Variants in ROBO1 observed in about 807,000 individuals in gnomAD.
ROBO1 encodes the protein roundabout guidance receptor 1, also known as roundabout homolog 1.
A neutral mutation model predicts 195.9 loss-of-function variants in ROBO1; 149 were observed. The observed-to-expected ratio is 0.76, with a 90% CI of 0.67 to 0.87. The LOEUF is 0.87. ROBO1 is among the 40% of genes least tolerant of loss of function. The probability of loss-of-function intolerance (pLI) is 0.00; values close to 1 mark genes in which losing one functional copy is unlikely to be tolerated. For missense variants in ROBO1, 1,933 were observed against 2,068.3 expected (o/e 0.93, Z 1.27); for synonymous variants, 816 against 733.2 (o/e 1.11, Z -1.82).
intron 2 of ROBO1, among the ~76,000 whole-genome samples, chr3:79,204,919 G>A (rs181086362): frequency 2.0e-5 from 3 of 150,042 alleles, no homozygotes; most frequent in Admixed American, 2.0e-4. Context: ...TTTTTGTTTT[G>A]TTTGTTTGTT....
intron 29 of ROBO1, among the ~76,000 whole-genome samples, chr3:78,603,568 T>G (rs1703298599): frequency 6.6e-6 from 1 of 152,104 alleles, no homozygotes; most frequent in South Asian, 2.1e-4. Context: ...TATGTAGAAA[T>G]AAATTGAACT....
Position 78,639,631 on chromosome 3 carries a change from G to C in ROBO1, c.3037+113C>G, listed in dbSNP as rs1366466456. ...TTTTGCTAAACAATAGTCAGCATTG[G>C]ATAAAATACGGGTCAAATTTTATCT... On this transcript the variant is annotated intron_variant, in intron 22 of 30. Coordinates refer to ENST00000464233, the MANE Select transcript of ROBO1 (RefSeq NM_002941.4). 2.8e-6 allele frequency: 3 copies of C among 1,065,482 alleles called. No individual in the cohort carries two copies. The East Asian group carries it at 7.6e-5, about 27-fold the overall frequency. The allele number at this position is 1,065,482 out of a possible 1,614,324, so 66.0% of individuals were successfully genotyped here.
chr3:79,600,353 G>T (rs994263871), intron 1 of ROBO1, among the ~76,000 whole-genome samples: 1 of 151,956 alleles, frequency 6.6e-6, no homozygotes, highest in African/African-American at 2.4e-5. Flanking sequence ...CATTGGTTTG[G>T]TCGAAGAGAA....
chr3:79,003,219 T>C (rs1164049112), intron 3 of ROBO1, among the ~76,000 whole-genome samples: 1 of 152,122 alleles, frequency 6.6e-6, no homozygotes, highest in Non-Finnish European at 1.5e-5. Context: ...GAAATCTGTC[T>C]CCAAACTGTC....
intron 2 of ROBO1, among the ~76,000 whole-genome samples, chr3:79,453,634 T>G (rs1216609974): frequency 1.3e-5 from 2 of 152,142 alleles, no homozygotes; most frequent in South Asian, 2.1e-4. Flanking sequence ...TAATTCTAAC[T>G]GAATGTAGGT....
intron 3 of ROBO1, among the ~76,000 whole-genome samples, chr3:78,956,586 C>T (rs1278995895): frequency 6.6e-6 from 1 of 152,114 alleles, no homozygotes; most frequent in East Asian, 1.9e-4. Context: ...ACTCAATAAA[C>T]ATTTGTTGAA....
At chr3:79,575,233 TATAA>T (rs1457263921) in intron 2 of ROBO1, among the ~76,000 whole-genome samples, 31 of 80,426 alleles carry the variant, frequency 3.9e-4, no homozygotes, top group African/African-American at 1.7e-3. Context: ...AACAAATATA[TATAA>T]ATATATATAA....
At chr3:78,699,395 CAAAA>C (rs60574193) in intron 8 of ROBO1, among the ~76,000 whole-genome samples, 1,392 of 83,052 alleles carry the variant, frequency 0.017, 27 homozygotes, top group African/African-American at 0.062. Flanking sequence ...ACTAAAAATA[CAAAA>C]AAAAAAAAAA....
chr3:79,040,546 G>A (rs867636004), intron 3 of ROBO1, among the ~76,000 whole-genome samples: 13 of 152,056 alleles, frequency 8.5e-5, no homozygotes, highest in Middle Eastern at 3.4e-3. Flanking sequence ...AACACAACTC[G>A]TATTTTTGCT....
At chr3:78,974,013 G>C (rs574743379) in intron 3 of ROBO1, among the ~76,000 whole-genome samples, 3 of 152,010 alleles carry the variant, frequency 2.0e-5, no homozygotes, top group Non-Finnish European at 4.4e-5. Context: ...AAATGAAACT[G>C]TTAAGTATTC....
intron 3 of ROBO1, among the ~76,000 whole-genome samples, chr3:79,087,816 C>T (rs2079401062): frequency 1.3e-5 from 2 of 152,044 alleles, no homozygotes; most frequent in South Asian, 4.2e-4. Context: ...TAGCCTAACT[C>T]ATGTTAATCT....
At chr3:79,109,143 G>C (rs2079839313) in intron 3 of ROBO1, among the ~76,000 whole-genome samples, 1 of 151,442 alleles carries the variant, frequency 6.6e-6, no homozygotes, top group African/African-American at 2.4e-5. Context: ...TACAAGATTT[G>C]GGTCTTAAAG....
intron 4 of ROBO1, among the ~76,000 whole-genome samples, chr3:78,849,725 C>T (rs768669642): frequency 2.0e-5 from 3 of 151,716 alleles, no homozygotes; most frequent in African/African-American, 4.8e-5. Context: ...CTCGGAGTAA[C>T]ATCTAACCTT....
At chr3:79,139,575 G>A (rs554508759) in intron 2 of ROBO1, among the ~76,000 whole-genome samples, 1 of 152,184 alleles carries the variant, frequency 6.6e-6, no homozygotes, top group African/African-American at 2.4e-5. Flanking sequence ...TGAGCCAATT[G>A]TCCGGTTGAG....
At chr3:79,145,249 G>A (rs1045535855) in intron 2 of ROBO1, among the ~76,000 whole-genome samples, 1 of 151,580 alleles carries the variant, frequency 6.6e-6, no homozygotes, top group African/African-American at 2.4e-5. Context: ...ATAAATATCA[G>A]AGTAATAGGT....
chr3:78,864,590 T>C (rs546775188), intron 4 of ROBO1, among the ~76,000 whole-genome samples: 49 of 152,230 alleles, frequency 3.2e-4, no homozygotes, highest in African/African-American at 1.2e-3. Context: ...ATTTTCAAAA[T>C]TGGATGAAGT....
Position 78,750,454 on chromosome 3 carries a change from AAAATAAATAAATAAAT to A in ROBO1, c.500-3570_500-3555del, listed in dbSNP as rs60201979. On this transcript the variant is annotated intron_variant, in intron 4 of 30. Coordinates refer to ENST00000464233, the MANE Select transcript of ROBO1 (RefSeq NM_002941.4). ...GGCAACAGAGCAAGACTCCATCTCA[AAAATAAATAAATAAAT>A]AAATAAATAAATAAATAAATAAATA... 7.3e-4 allele frequency among the ~76,000 whole-genome samples: 99 copies of A among 136,004 alleles called. 1 individual carries two copies. In the South Asian group the frequency reaches 0.018, roughly 24 times the overall value. The allele number at this position is 136,004 out of a possible 152,430, so 89.2% of individuals were successfully genotyped here. A position where few individuals can be genotyped will look rare whatever the true frequency, so the allele number is the denominator to read the frequency against.
intron 1 of ROBO1, among the ~76,000 whole-genome samples, chr3:79,741,175 G>T (rs1703631443): frequency 6.6e-6 from 1 of 152,190 alleles, no homozygotes; most frequent in South Asian, 2.1e-4. Flanking sequence ...GCTGCAGGAT[G>T]GGAGATCTTT....
intron 2 of ROBO1, among the ~76,000 whole-genome samples, chr3:79,478,160 T>A (rs1465566493): frequency 1.3e-5 from 2 of 152,130 alleles, no homozygotes; most frequent in Admixed American, 6.5e-5. Flanking sequence ...GCAAGTGCCC[T>A]GGGATCTACA....
Sources: gnomAD v4.1 joint callset for allele counts (sites outside exome capture counted in the v4.1 genomes callset) on GRCh38, gnomAD v4.1.1 for gene constraint, MANE v1.5 for transcripts, NCBI Gene and HGNC (gene_info 2026-07-23, HGNC 2026-07-21) for gene names.